MYH9: variants seen among roughly 807,000 people sequenced by gnomAD.
The protein encoded by MYH9 is myosin heavy chain 9.
In MYH9, 29 loss-of-function variants were observed where a neutral mutation model predicts 241.9. The ratio of observed to expected loss-of-function variants is 0.12; its 90% CI spans 0.09 to 0.16. The LOEUF is 0.16. Ranked by LOEUF, MYH9 falls within the 10% of genes least tolerant of loss-of-function variation. The probability of loss-of-function intolerance (pLI) is 1.00; values close to 1 mark genes in which losing one functional copy is unlikely to be tolerated. For synonymous variants in MYH9, 1,047 were observed against 1,062.6 expected (o/e 0.99, Z 0.29); for missense variants, 1,803 against 2,595.5 (o/e 0.69, Z 6.63).
Position 36,295,401 on chromosome 22 carries a change from G to GGTGTGT in MYH9, c.3485+98_3485+103dup, listed in dbSNP as rs60043894. 137 of 808,874 alleles carry GGTGTGT rather than the reference G, an allele frequency of 1.7e-4. No homozygotes were observed. The highest frequency in any genetic ancestry group is 5.3e-4 in the East Asian group (18 of 34,256). The allele number at this position is 808,874 out of a possible 1,614,324, so 50.1% of individuals were successfully genotyped here. ...GCCTGCTGGTGCCTAAGAGGGCCAC[G>GGTGTGT]GTGTGTGTGTGTGTGTGTGTGCAGA... On this transcript the variant is annotated intron_variant, in intron 26 of 40. Coordinates refer to ENST00000216181, the MANE Select transcript of MYH9 (RefSeq NM_002473.6). The surrounding 1 kb of genome is among the most constrained non-coding windows in gnomAD (Gnocchi z 4.1).
intron 2 of MYH9, among the ~76,000 whole-genome samples, chr22:36,348,697 C>T (rs535399494): frequency 3.3e-5 from 5 of 152,086 alleles, no homozygotes; most frequent in South Asian, 2.1e-4. Context: ...CTTTTGGCTG[C>T]AAAGGGAAAA....
At chr22:36,347,475 G>A (rs1299058565) in intron 2 of MYH9, among the ~76,000 whole-genome samples, 1 of 151,840 alleles carries the variant, frequency 6.6e-6, no homozygotes, top group Non-Finnish European at 1.5e-5. Flanking sequence ...GCTCACGCCT[G>A]TAATCCCAGC....
intron 11 of MYH9, among the ~76,000 whole-genome samples, chr22:36,317,901 C>T (rs1202134589): frequency 6.6e-6 from 1 of 152,260 alleles, no homozygotes; most frequent in African/African-American, 2.4e-5. Context: ...GCTTTTATAC[C>T]AGACAGGACA....
At chr22:36,297,251 G>C in intron 24 of MYH9, 1 of 573,098 alleles carries the variant, frequency 1.7e-6, no homozygotes, top group East Asian at 3.0e-5. Context: ...CAGGAATTAA[G>C]TACTCTCCTA....
Position 36,301,602 on chromosome 22 carries a change from C to A in MYH9, c.2563G>T (p.Val855Leu), listed in dbSNP as rs1348678369. The change falls in exon 21 of 41, where the codon GTG becomes TTG. Residue 855 changes from valine to leucine, a missense_variant. Val to Leu is a conservative substitution (Grantham distance 32). Coordinates refer to ENST00000216181, the MANE Select transcript of MYH9 (RefSeq NM_002473.6). ...GCCAGCTGCTTCTCTCTGACCTTCA[C>A]CAGCTCCTCCTCCTTGGCCATCATC... ...EEMMAKEEEL[V>L]KVREKQLAAE... 6.2e-7 allele frequency: 1 copy of A among 1,614,028 alleles called. No individual in the cohort carries two copies. Among genetic ancestry groups the A allele is most frequent in the Non-Finnish European group, 8.5e-7 (1 of 1,180,036 alleles).
intron 1 of MYH9, among the ~76,000 whole-genome samples, chr22:36,350,849 C>T (rs1159209779): frequency 6.6e-6 from 1 of 152,174 alleles, no homozygotes; most frequent in African/African-American, 2.4e-5. Context: ...TTGTGGCCAC[C>T]AGAGGAGGCA....
rs941406173 is a variant in MYH9 at position 36,282,085 on chromosome 22, A to C, written c.*583T>G. 4.2e-6 allele frequency: 1 copy of C among 237,394 alleles called. No homozygotes were observed. The highest frequency in any genetic ancestry group is 8.3e-6 in the Non-Finnish European group (1 of 119,870). 14.7% of individuals were successfully genotyped at this position (237,394 alleles called of 1,614,324 possible). On this transcript the variant is annotated 3_prime_UTR_variant, in exon 41 of 41. Transcript: ENST00000216181. ...AGGAATCCACTCCTCCCCCCACCCC[A>C]GCCTTCTGTGCCCTGCACAGAGGTG... is the stretch of plus-strand genomic sequence containing the variant.
Position 36,285,846 on chromosome 22 carries a change from G to GC in MYH9, c.5150+18dup. The GC allele has an allele frequency of 1.9e-6, 3 of 1,613,540 alleles. No homozygotes were observed. Among genetic ancestry groups the GC allele is most frequent in the South Asian group, 2.2e-5 (2 of 91,064 alleles). On this transcript the variant is annotated intron_variant, in intron 36 of 40. Transcript: ENST00000216181. This position sits in a 1 kb window ranked among gnomAD's most constrained non-coding sequence, Gnocchi z 7.0. ...GACACACCTGGTCCCCCCCAACTCTGCCCCCTCACTCAGCTCACCCTTTGC... is the reference window on the plus strand; with the variant it reads ...GACACACCTGGTCCCCCCCAACTCTGCCCCCCTCACTCAGCTCACCCTTTGC...
intron 40 of MYH9, among the ~76,000 whole-genome samples, chr22:36,283,127 A>C (rs925390056): frequency 1.3e-5 from 2 of 152,246 alleles, no homozygotes; most frequent in Admixed American, 6.5e-5. Flanking sequence ...AAAACCGGTG[A>C]AACCAAGACA....
chr22:36,385,661 G>C (rs894639516), intron 1 of MYH9, among the ~76,000 whole-genome samples: 1 of 152,134 alleles, frequency 6.6e-6, no homozygotes, highest in Non-Finnish European at 1.5e-5. Context: ...CCTTCTCTCC[G>C]GGGCTGGGGA....
intron 1 of MYH9, among the ~76,000 whole-genome samples, chr22:36,356,568 G>A (rs2017859599): frequency 9.0e-6 from 1 of 111,404 alleles, no homozygotes; most frequent in African/African-American, 3.6e-5. Flanking sequence ...GCAACAGAGT[G>A]AGACTCCATC....
chr22:36,382,851 T>C (rs2018281033), intron 1 of MYH9, among the ~76,000 whole-genome samples: 1 of 152,054 alleles, frequency 6.6e-6, no homozygotes. Context: ...TTTCAGTTTT[T>C]CAGGCACTCC....
chr22:36,383,335 A>G (rs1189328719), intron 1 of MYH9, among the ~76,000 whole-genome samples: 1 of 152,180 alleles, frequency 6.6e-6, no homozygotes, highest in East Asian at 1.9e-4. Context: ...CCCTTTGGCT[A>G]TCTCCCAGAC....
chr22:36,314,647 T>C (rs4820233), intron 12 of MYH9, among the ~76,000 whole-genome samples: 2 of 151,774 alleles, frequency 1.3e-5, no homozygotes, highest in African/African-American at 4.8e-5. Flanking sequence ...ATTGTTTTTT[T>C]TTTTTATTTT....
intron 12 of MYH9, among the ~76,000 whole-genome samples, chr22:36,314,712 A>G (rs1174818813): frequency 6.6e-6 from 1 of 151,924 alleles, no homozygotes; most frequent in East Asian, 1.9e-4. Context: ...ACAATGGCGC[A>G]ATCTCAGCTC....
In MYH9 at chr22:36,285,671, T is replaced by C; in HGVS notation, c.5261A>G (p.Lys1754Arg). ...NTELINDRLK[K>R]ANLQIDQINT... ...CCTGGCACCCACCTGCAGGTTGGCC[T>C]TCTTCAGCCGGTCGTTGATCAGCTC... The change falls in exon 37 of 41, where the codon AAG (lysine) becomes AGG (arginine). Residue 1754 changes from lysine to arginine, a missense_variant. Coordinates refer to ENST00000216181, the MANE Select transcript of MYH9 (RefSeq NM_002473.6). The surrounding 1 kb of genome is among the most constrained non-coding windows in gnomAD (Gnocchi z 7.0). The C allele has an allele frequency of 6.2e-7, 1 of 1,612,554 alleles. No homozygotes were observed. The highest frequency in any genetic ancestry group is 8.5e-7 in the Non-Finnish European group (1 of 1,180,014).
Position 36,294,247 on chromosome 22 carries a change from C to T in MYH9, c.3682G>A (p.Glu1228Lys), listed in dbSNP as rs746956415. ...AKQTLENERG[E>K]LANEVKVLLQ... ...AGCACCTTCACCTCGTTGGCCAGCT[C>T]CCCCCGCTCGTTCTCCAGAGTCTGC... Residue 1228 changes from glutamate (E) to lysine (K), a missense_variant, in exon 28 of 41, where the codon GAG (glutamate) becomes AAG (lysine). Physicochemically the swap from Glu to Lys is moderately conservative, Grantham distance 56 (BLOSUM62 1). Coordinates refer to ENST00000216181, the MANE Select transcript of MYH9 (RefSeq NM_002473.6). 6.8e-6 allele frequency: 11 copies of T among 1,613,998 alleles called. No individual in the cohort carries two copies. Among genetic ancestry groups the T allele is most frequent in the Non-Finnish European group, 9.3e-6 (11 of 1,180,028 alleles).
At chr22:36,292,560 GT>G (rs2146335817) in intron 30 of MYH9, among the ~76,000 whole-genome samples, 1 of 152,310 alleles carries the variant, frequency 6.6e-6, no homozygotes, top group East Asian at 1.9e-4. Flanking sequence ...GCCCTGTAGG[GT>G]GTCCACGGGG....
intron 38 of MYH9, 125 bp from the exon 39 acceptor site, chr22:36,284,636 T>A (rs932211915): frequency 5.8e-6 from 5 of 868,754 alleles, no homozygotes; most frequent in Non-Finnish European, 7.5e-6. Context: ...AGGGAGGCCT[T>A]TGCTAGACAC....
Sources: allele counts gnomAD v4.1 joint callset (sites outside exome capture counted in the v4.1 genomes callset), GRCh38; gene constraint gnomAD v4.1.1; non-coding constraint Gnocchi (gnomAD v3.1); transcripts MANE v1.5; gene names NCBI Gene and HGNC (gene_info 2026-07-23, HGNC 2026-07-21).